The following MIPOL1 variants were observed in gnomAD, a reference collection of about 807,000 sequenced individuals.
MIPOL1 encodes mirror-image polydactyly 1, also known as mirror-image polydactyly gene 1 protein.
In MIPOL1, 57 loss-of-function variants were observed where a neutral mutation model predicts 60.9. That is an observed-to-expected ratio of 0.94 (90% confidence interval 0.76 to 1.17). The LOEUF is 1.17. Ranked by LOEUF, MIPOL1 falls within the 50% of genes most tolerant of loss-of-function variation. The pLI is 0.00. For synonymous variants in MIPOL1, 179 were observed against 168.8 expected (o/e 1.06, Z -0.47); for missense variants, 551 against 511.6 (o/e 1.08, Z -0.74).
intron 11 of MIPOL1, among the ~76,000 whole-genome samples, chr14:37,444,382 C>A (rs1390458563): frequency 6.6e-6 from 1 of 152,030 alleles, no homozygotes; most frequent in Non-Finnish European, 1.5e-5. Flanking sequence ...ATGGAAGACC[C>A]ATGTAAACGG....
At chr14:37,227,175 T>G (rs934914242) in intron 1 of MIPOL1, among the ~76,000 whole-genome samples, 1 of 152,164 alleles carries the variant, frequency 6.6e-6, no homozygotes, top group African/African-American at 2.4e-5. Flanking sequence ...TTCACTGGGC[T>G]AAAATGAAAA....
intron 10 of MIPOL1, among the ~76,000 whole-genome samples, chr14:37,415,358 C>A (rs987597625): frequency 1.3e-5 from 2 of 151,966 alleles, no homozygotes; most frequent in African/African-American, 2.4e-5. Flanking sequence ...CATGGTGGCT[C>A]ACGCCTATAA....
intron 10 of MIPOL1, among the ~76,000 whole-genome samples, chr14:37,414,436 G>T (rs2093729566): frequency 6.6e-6 from 1 of 152,116 alleles, no homozygotes; most frequent in Admixed American, 6.6e-5. Context: ...GAAAACTAGT[G>T]ATGTTGAGCA....
chr14:37,513,252 T>A (rs571471188), intron 12 of MIPOL1, among the ~76,000 whole-genome samples: 3 of 152,252 alleles, frequency 2.0e-5, no homozygotes, highest in African/African-American at 7.2e-5. Flanking sequence ...TCTCATACTC[T>A]GTTAAACAAG....
chr14:37,293,670 C>G (rs111241353), intron 7 of MIPOL1, among the ~76,000 whole-genome samples: 3 of 152,162 alleles, frequency 2.0e-5, no homozygotes, highest in South Asian at 2.1e-4. Flanking sequence ...TATCCCACAC[C>G]TAGATCGGAG....
At chr14:37,202,256 T>C (rs1249528149) in intron 1 of MIPOL1, among the ~76,000 whole-genome samples, 1 of 152,176 alleles carries the variant, frequency 6.6e-6, no homozygotes, top group African/African-American at 2.4e-5. Context: ...ATAATTGTTT[T>C]TTTTAGTCTT....
chr14:37,226,155 GTCT>G (rs937574005), intron 1 of MIPOL1, among the ~76,000 whole-genome samples: 25 of 152,242 alleles, frequency 1.6e-4, no homozygotes, highest in African/African-American at 4.3e-4. Context: ...ACATTTTCCT[GTCT>G]TCTTCTGACC....
At chr14:37,523,479 A>G (rs1446359457) in intron 12 of MIPOL1, 1 of 411,172 alleles carries the variant, frequency 2.4e-6, no homozygotes, top group Non-Finnish European at 4.3e-6. Flanking sequence ...CCAGATCTCA[A>G]ATACAAATCT....
intron 11 of MIPOL1, among the ~76,000 whole-genome samples, chr14:37,485,358 T>C (rs1463882855): frequency 6.6e-6 from 1 of 152,178 alleles, no homozygotes; most frequent in African/African-American, 2.4e-5. Context: ...AGTAATGGTA[T>C]TGCTGGGTCA....
chr14:37,407,379 A>G lies in MIPOL1; in HGVS notation c.937-15476A>G, dbSNP rs573359501. ...TCCTAGTGAATGGTTTTCCTACACC[A>G]TGGATTTGTTTCCCTAAAGGATTCA... On this transcript the variant is annotated intron_variant, in intron 10 of 12. Coordinates refer to ENST00000684589, the MANE Select transcript of MIPOL1 (RefSeq NM_001388067.1). 3.9e-5 allele frequency among the ~76,000 whole-genome samples: 6 copies of G among 152,316 alleles called. No individual in the cohort carries two copies. In the South Asian group the frequency reaches 1.2e-3, roughly 32 times the overall value.
chr14:37,445,195 A>T (rs1435554829), intron 11 of MIPOL1, among the ~76,000 whole-genome samples: 1 of 152,012 alleles, frequency 6.6e-6, no homozygotes, highest in East Asian at 1.9e-4. Context: ...TCAGCCCAAA[A>T]TCTCCTTAAG....
At chr14:37,415,516 C>T (rs1402672341) in intron 10 of MIPOL1, among the ~76,000 whole-genome samples, 1 of 151,468 alleles carries the variant, frequency 6.6e-6, no homozygotes, top group African/African-American at 2.4e-5. Flanking sequence ...GTAGTCCCAG[C>T]TACTCGGGAG....
At chr14:37,350,064 T>G (rs1324493549) in intron 9 of MIPOL1, among the ~76,000 whole-genome samples, 1 of 152,242 alleles carries the variant, frequency 6.6e-6, no homozygotes, top group Non-Finnish European at 1.5e-5. Context: ...TTCCTGTCTC[T>G]TTCTGTATTC....
At chr14:37,347,593 T>C (rs960754681) in intron 9 of MIPOL1, among the ~76,000 whole-genome samples, 5 of 151,726 alleles carry the variant, frequency 3.3e-5, no homozygotes, top group African/African-American at 1.2e-4. Flanking sequence ...GCACAAAGAG[T>C]ATGAAGAAGT....
At chr14:37,287,486 T>C (rs1270147670) in intron 7 of MIPOL1, among the ~76,000 whole-genome samples, 1 of 152,102 alleles carries the variant, frequency 6.6e-6, no homozygotes, top group Non-Finnish European at 1.5e-5. Context: ...ACTCTGGGCC[T>C]CATGTGATCC....
At chr14:37,319,318 A>G (rs765988374) in intron 9 of MIPOL1, among the ~76,000 whole-genome samples, 4 of 152,214 alleles carry the variant, frequency 2.6e-5, no homozygotes, top group Non-Finnish European at 4.4e-5. Context: ...AAAAATAAAT[A>G]TATATTTCTA....
intron 10 of MIPOL1, among the ~76,000 whole-genome samples, chr14:37,385,224 A>G (rs1175684936): frequency 6.6e-6 from 1 of 152,068 alleles, no homozygotes; most frequent in African/African-American, 2.4e-5. Flanking sequence ...TTTTAAAGAA[A>G]TTCCACTTTT....
In MIPOL1 at chr14:37,285,458, A is replaced by G. The variant is rs1466352914; in HGVS notation, c.623+11A>G. 1.2e-6 allele frequency: 2 copies of G among 1,611,024 alleles called. No individual in the cohort carries two copies. Among genetic ancestry groups the G allele is most frequent in the Non-Finnish European group, 1.7e-6 (2 of 1,178,440 alleles). On this transcript the variant is annotated intron_variant, in intron 7 of 12. Coordinates refer to ENST00000684589, the MANE Select transcript of MIPOL1 (RefSeq NM_001388067.1). ...AATGTCTCTAAAAGTGTATGTACAC[A>G]TTTAAAACTCAGTATGATATTAGGA...
At chr14:37,386,620 T>C (rs1035002264) in intron 10 of MIPOL1, among the ~76,000 whole-genome samples, 1 of 152,042 alleles carries the variant, frequency 6.6e-6, no homozygotes, top group African/African-American at 2.4e-5. Flanking sequence ...CCAAGCTCAC[T>C]GATGAGCTCT....
Sources: allele counts gnomAD v4.1 joint callset (sites outside exome capture counted in the v4.1 genomes callset), GRCh38; gene constraint gnomAD v4.1.1; transcripts MANE v1.5; gene names NCBI Gene and HGNC (gene_info 2026-07-23, HGNC 2026-07-21).